Variants in WFS1 observed in about 807,000 individuals in gnomAD.
The protein encoded by WFS1 is wolframin.
WFS1 carries 90 observed loss-of-function variants against 68.5 expected under a neutral mutation model. The ratio of observed to expected loss-of-function variants is 1.31; its 90% CI spans 1.11 to 1.56. The LOEUF is 1.56. Among genes scored for constraint, WFS1 ranks in the 40% most tolerant of loss-of-function variants. WFS1 has a pLI of 0.00. For missense variants in WFS1, 1,767 were observed against 1,232.6 expected (o/e 1.43, Z -6.49); for synonymous variants, 860 against 540.7 (o/e 1.59, Z -8.19).
At chr4:6,282,125 C>T in intron 2 of WFS1, among the ~76,000 whole-genome samples, 1 of 152,274 alleles carries the variant, frequency 6.6e-6, no homozygotes, top group Non-Finnish European at 1.5e-5. Flanking sequence ...GGTGCCCTCC[C>T]TGCCAGGGCC....
Position 6,302,053 on chromosome 4 carries a change from A to C in WFS1, c.2258A>C (p.Glu753Ala). The change falls in exon 8 of 8, where the codon GAG becomes GCG. Residue 753 changes from glutamate (E) to alanine (A), a missense_variant. By Grantham distance (107) the Glu-to-Ala change is moderately radical. Coordinates refer to ENST00000226760, the MANE Select transcript of WFS1 (RefSeq NM_006005.3). ...GGCAACACCTCCACGGCCGAGGAGG[A>C]GCTCTGTCGCCTTAAGCTGCTGGCC... ...SPGNTSTAEE[E>A]LCRLKLLAKH... 1 of 1,612,812 alleles carries C rather than the reference A, an allele frequency of 6.2e-7. No individual in the cohort carries two copies. The highest frequency in any genetic ancestry group is 2.2e-5 in the East Asian group (1 of 44,872).
chr4:6,298,144 G>A (rs1045140447), intron 7 of WFS1, among the ~76,000 whole-genome samples: 8 of 152,188 alleles, frequency 5.3e-5, no homozygotes, highest in African/African-American at 7.2e-5. Context: ...GAGCAGTGGC[G>A]GGCCAGGCCA....
At position 6,287,364 on chromosome 4, in the gene WFS1, C is replaced by G; in HGVS notation, c.315+189C>G. ...CATGTTCACTGTGCCAGTTTTCCTC[C>G]TGGCACTCCTCTGGGGAGCAGCGCT... On this transcript the variant is annotated intron_variant, in intron 3 of 7. Transcript: ENST00000226760. The surrounding 1 kb of genome is among the most constrained non-coding windows in gnomAD (Gnocchi z 6.4). 2 of 635,394 alleles carry G rather than the reference C, an allele frequency of 3.1e-6. No homozygotes were observed. The highest frequency in any genetic ancestry group is 3.5e-5 in the South Asian group (2 of 57,476). The allele number at this position is 635,394 out of a possible 1,614,324, so 39.4% of individuals were successfully genotyped here. A position where few individuals can be genotyped will look rare whatever the true frequency, so the allele number is the denominator to read the frequency against.
chr4:6,277,361 C>G, intron 1 of WFS1, 90 bp from the exon 2 acceptor site: 3 of 1,284,556 alleles, frequency 2.3e-6, no homozygotes, highest in Non-Finnish European at 3.3e-6. Context: ...TCCCACCTGC[C>G]TCCCTCTGCT....
rs753573411 is a variant in WFS1, at chr4:6,295,057, G to A, written c.729G>A (p.Ala243=). 1.5e-5 allele frequency: 24 copies of A among 1,613,452 alleles called. No homozygotes were observed. Among genetic ancestry groups the A allele is most frequent in the Admixed American group, 3.3e-5 (2 of 60,004 alleles). The part of the protein sequence containing the change: ...LVSSESKNYI[A]LDDFVEITKK... ...ATGCTTCAGCCAAGAACTACATCGC[G>A]CTGGATGACTTTGTGGAGATCACTA... Residue 243 remains alanine (A), a synonymous_variant, in exon 7 of 8, where the codon GCG becomes GCA. Transcript: ENST00000226760.
intron 2 of WFS1, 43 bp downstream of exon 2, chr4:6,277,730 G>A (rs1381828371): frequency 2.9e-5 from 45 of 1,546,748 alleles, no homozygotes; most frequent in Non-Finnish European, 3.9e-5. Context: ...GATGTTCAGG[G>A]ATAGCTGGGT....
rs138674328 is a variant in WFS1, at chr4:6,300,791, C to A, written c.996C>A (p.Ile332=). Residue 332 remains isoleucine, a synonymous_variant, in exon 8 of 8, where the codon ATC becomes ATA. Coordinates refer to ENST00000226760, the MANE Select transcript of WFS1 (RefSeq NM_006005.3). Reference sequence around the variant, plus strand: ...TCAACGCGCTCATCTTCTTCTTCATCGTCAGCAACCTCACCATCGACTTCT... The same window carrying A: ...TCAACGCGCTCATCTTCTTCTTCATAGTCAGCAACCTCACCATCGACTTCT... ...HHINALIFFF[I]VSNLTIDFFA... The A allele has an allele frequency of 5.5e-5, 88 of 1,613,798 alleles. No homozygotes were observed. Among genetic ancestry groups the A allele is most frequent in the Non-Finnish European group, 6.5e-5 (77 of 1,179,872 alleles).
rs140562265 is a variant in WFS1, at chr4:6,297,667, C to G, written c.861+2478C>G. ...GCTGCTTCCTGGTTTCTCGTGGCAG[C>G]AGAAGGGCCGATCACCACAGGCCCA... On this transcript the variant is annotated intron_variant, in intron 7 of 7. Transcript: ENST00000226760. Among the ~76,000 whole-genome samples, 681 of 152,248 alleles carry G rather than the reference C, an allele frequency of 4.5e-3. 3 individuals are homozygous for G. The highest frequency in any genetic ancestry group is 0.015 in the African/African-American group (637 of 41,542).
chr4:6,287,414 C>A lies in WFS1; in HGVS notation c.315+239C>A. On this transcript the variant is annotated intron_variant, in intron 3 of 7. Transcript: ENST00000226760. The surrounding 1 kb of genome is among the most constrained non-coding windows in gnomAD (Gnocchi z 6.4). ...TCATCCCCCTTTTGTCCAACTCACA[C>A]CTCATCTTGGGCATCACCTCCTCCA... 1 of 559,074 alleles carries A rather than the reference C, an allele frequency of 1.8e-6. No individual in the cohort carries two copies. Among genetic ancestry groups the A allele is most frequent in the Non-Finnish European group, 3.2e-6 (1 of 309,354 alleles). 34.6% of individuals were successfully genotyped at this position (559,074 alleles called of 1,614,324 possible). A position where few individuals can be genotyped will look rare whatever the true frequency, so the allele number is the denominator to read the frequency against.
rs1729895198 is a variant in WFS1, at chr4:6,273,448, G to A, written c.-6+3434G>A. Among the ~76,000 whole-genome samples the A allele has an allele frequency of 2.0e-5, 3 of 152,356 alleles. No homozygotes were observed. The South Asian group carries it at 6.2e-4, about 32-fold the overall frequency. On this transcript the variant is annotated intron_variant, in intron 1 of 7. Transcript: ENST00000226760. Reference sequence around the variant, plus strand: ...CCCCACCGTGCAGGTGGGGATCTGAGGGTGCAGAGTGGATGCAGCTGGAGA... The same window carrying A: ...CCCCACCGTGCAGGTGGGGATCTGAAGGTGCAGAGTGGATGCAGCTGGAGA...
chr4:6,293,024 A>T (rs111310323), intron 6 of WFS1, among the ~76,000 whole-genome samples: 2 of 152,180 alleles, frequency 1.3e-5, no homozygotes, highest in Non-Finnish European at 2.9e-5. Flanking sequence ...GAAACACCTC[A>T]CATGGAAGTG....
rs544300827 is a variant in WFS1, at chr4:6,287,020, C to T, written c.233-73C>T. The stretch of plus-strand genomic sequence containing the variant: ...GCAGCAGATCTGAAGACCCTCATGC[C>T]TTGTCCCCTCCATCCTGACAAGTGA... On this transcript the variant is annotated intron_variant, in intron 2 of 7. Coordinates refer to ENST00000226760, the MANE Select transcript of WFS1 (RefSeq NM_006005.3). The surrounding 1 kb of genome is among the most constrained non-coding windows in gnomAD (Gnocchi z 6.4). 77 of 1,371,308 alleles carry T rather than the reference C, an allele frequency of 5.6e-5. No homozygotes were observed. The highest frequency in any genetic ancestry group is 2.0e-4 in the African/African-American group (14 of 69,570). The allele number at this position is 1,371,308 out of a possible 1,614,324, so 84.9% of individuals were successfully genotyped here.
chr4:6,293,203 A>G (rs1003367819), intron 6 of WFS1, among the ~76,000 whole-genome samples: 3 of 151,952 alleles, frequency 2.0e-5, no homozygotes, highest in African/African-American at 7.3e-5. Flanking sequence ...CTGGACCCCA[A>G]CCTCACTTCC....
chr4:6,293,203 A>C (rs1003367819), intron 6 of WFS1, among the ~76,000 whole-genome samples: 1 of 151,952 alleles, frequency 6.6e-6, no homozygotes. Context: ...CTGGACCCCA[A>C]CCTCACTTCC....
intron 7 of WFS1, among the ~76,000 whole-genome samples, chr4:6,299,407 G>C (rs1391496344): frequency 6.6e-6 from 1 of 151,312 alleles, no homozygotes; most frequent in Non-Finnish European, 1.5e-5. Context: ...GGGAGGTAGG[G>C]GTGCGCTGGT....
intron 1 of WFS1, among the ~76,000 whole-genome samples, chr4:6,276,992 C>T (rs188201346): frequency 3.1e-3 from 470 of 152,346 alleles, no homozygotes; most frequent in Middle Eastern, 0.01. Context: ...ATTTCAAGAT[C>T]CTTAAATACA....
rs4689398 is a variant in WFS1, at chr4:6,300,472, C to T, written c.862-185C>T. 0.59 allele frequency among the ~76,000 whole-genome samples: 89,358 copies of T among 151,462 alleles called. 27,197 individuals are homozygous for T. The highest frequency in any genetic ancestry group is 0.93 in the East Asian group (4,784 of 5,124). On this transcript the variant is annotated intron_variant, in intron 7 of 7. Transcript: ENST00000226760. ...CAGAAGAGGGAGGGCTCACAGGGAC[C>T]GCGAGCATGGGGAGGGCCACCTGGA...
rs758409375 is a variant in WFS1 at position 6,300,860 on chromosome 4, C to A, written c.1065C>A (p.Ile355=). The change falls in exon 8 of 8, where the codon ATC becomes ATA. Residue 355 remains isoleucine (I), a synonymous_variant. Transcript: ENST00000226760. The part of the protein sequence containing the change: ...IPLVIFYLSF[I]SMVICTLKVF... ...TGGTCATCTTCTACCTGTCCTTCAT[C>A]TCCATGGTGATCTGCACCCTCAAGG... The A allele has an allele frequency of 1.2e-6, 2 of 1,614,156 alleles. No individual in the cohort carries two copies. The highest frequency in any genetic ancestry group is 1.7e-5 in the Admixed American group (1 of 60,016).
chr4:6,300,636 C>T (rs879210550), intron 7 of WFS1, 21 bp from the exon 8 acceptor site: 12 of 1,613,626 alleles, frequency 7.4e-6, no homozygotes, highest in African/African-American at 1.3e-5. Flanking sequence ...GCCTCGTTCC[C>T]ACGTACCATC....
Sources: gnomAD v4.1 joint callset for allele counts (sites outside exome capture counted in the v4.1 genomes callset) on GRCh38, gnomAD v4.1.1 for gene constraint, Gnocchi (gnomAD v3.1) non-coding constraint, MANE v1.5 for transcripts, NCBI Gene and HGNC (gene_info 2026-07-23, HGNC 2026-07-21) for gene names.